ZNF599: variants seen among roughly 807,000 people sequenced by gnomAD.
ZNF599 encodes the protein zinc finger protein 599.
A neutral mutation model predicts 11.7 loss-of-function variants in ZNF599; 10 were observed. The ratio of observed to expected loss-of-function variants is 0.86; its 90% CI spans 0.53 to 1.45. ZNF599 has a LOEUF of 1.45. ZNF599 is among the 40% of genes most tolerant of loss of function. The pLI is 0.00. For missense variants in ZNF599, 688 were observed against 713.6 expected, an observed-to-expected ratio of 0.96 and a Z score of 0.41; for synonymous variants, 232 against 253.2, an observed-to-expected ratio of 0.92 and a Z score of 0.79.
the ZNF599 span, among the ~76,000 whole-genome samples, chr19:34,800,582 C>G: frequency 1.4e-5 from 1 of 73,836 alleles, no homozygotes; most frequent in African/African-American, 4.9e-5. Flanking sequence ...CTAGCATTTC[C>G]TTTGTTTTTT....
At chr19:34,804,394 G>T in the ZNF599 span, among the ~76,000 whole-genome samples, 1 of 152,190 alleles carries the variant, frequency 6.6e-6, no homozygotes, top group Non-Finnish European at 1.5e-5. Context: ...CTTCAGCTGT[G>T]CCTGTGATGC....
chr19:34,795,575 T>C, the ZNF599 span, among the ~76,000 whole-genome samples: 1 of 152,190 alleles, frequency 6.6e-6, no homozygotes, highest in Non-Finnish European at 1.5e-5. Flanking sequence ...CCACTGTGCT[T>C]GGCCTTGGCA....
chr19:34,777,477 T>C (rs1190314252), upstream of ZNF599, among the ~76,000 whole-genome samples: 2 of 103,368 alleles, frequency 1.9e-5, no homozygotes, highest in Non-Finnish European at 3.6e-5. Flanking sequence ...ATATATTAAT[T>C]AATATATAAT....
At chr19:34,775,612 CT>C (rs560189171), upstream of ZNF599, among the ~76,000 whole-genome samples, 6 of 152,226 alleles carry the variant, frequency 3.9e-5, no homozygotes, top group South Asian at 1.2e-3. Flanking sequence ...GTTAAAACCA[CT>C]GAATTATGTA....
chr19:34,772,622 C>T, intron 1 of ZNF599: 1 of 1,373,858 alleles, frequency 7.3e-7, no homozygotes, highest in African/African-American at 1.5e-5. Flanking sequence ...AGGGACCTCT[C>T]CTTACAACTC....
the ZNF599 span, among the ~76,000 whole-genome samples, chr19:34,801,501 C>A: frequency 1.3e-3 from 202 of 152,372 alleles, 1 homozygote; most frequent in Non-Finnish European, 2.4e-3. Context: ...TAAGCCCTTT[C>A]CCCAATTTGG....
the ZNF599 span, among the ~76,000 whole-genome samples, chr19:34,802,244 A>C: frequency 6.6e-6 from 1 of 152,208 alleles, no homozygotes; most frequent in South Asian, 2.1e-4. Context: ...CAGACTGAGG[A>C]AGCAGCTGTT....
At chr19:34,783,236 G>A in the ZNF599 span, among the ~76,000 whole-genome samples, 3 of 152,224 alleles carry the variant, frequency 2.0e-5, no homozygotes, top group Non-Finnish European at 2.9e-5. Context: ...GAGGGGCCAT[G>A]CCACGCCATG....
chr19:34,769,608 A>T (rs1236363684), intron 1 of ZNF599, 53 bp from the exon 2 acceptor site: 1 of 1,586,684 alleles, frequency 6.3e-7, no homozygotes, highest in African/African-American at 1.3e-5. Context: ...AGGTGAAATT[A>T]CAGCTCACTT....
At position 34,758,575 on chromosome 19, in the gene ZNF599, T is replaced by G. The variant is rs541426114; in HGVS notation, c.*459A>C. The G allele has an allele frequency of 6.4e-6, 1 of 156,204 alleles. No individual in the cohort carries two copies. Among genetic ancestry groups the G allele is most frequent in the African/African-American group, 2.4e-5 (1 of 41,556 alleles). 9.7% of individuals were successfully genotyped at this position (156,204 alleles called of 1,614,324 possible). A position where few individuals can be genotyped will look rare whatever the true frequency, so the allele number is the denominator to read the frequency against. On this transcript the variant is annotated 3_prime_UTR_variant, in exon 4 of 4. Coordinates refer to ENST00000329285, the MANE Select transcript of ZNF599 (RefSeq NM_001007248.3). Reference sequence around the variant, plus strand: ...TTTCAATGTCTTATTCCCTGCTCCATCCCCCAACCCGCCAAATGACAAACT... The same window carrying G: ...TTTCAATGTCTTATTCCCTGCTCCAGCCCCCAACCCGCCAAATGACAAACT...
upstream of ZNF599, among the ~76,000 whole-genome samples, chr19:34,773,562 C>A (rs576058724): frequency 3.9e-5 from 6 of 152,066 alleles, no homozygotes; most frequent in East Asian, 1.2e-3. Flanking sequence ...GATGGAGATT[C>A]CTAAGGAAAA....
the ZNF599 span, among the ~76,000 whole-genome samples, chr19:34,806,103 C>G: frequency 2.0e-5 from 3 of 152,230 alleles, no homozygotes; most frequent in South Asian, 6.2e-4. Context: ...TGAGGGCTCA[C>G]TCACCTGTGT....
At chr19:34,804,110 A>C in the ZNF599 span, among the ~76,000 whole-genome samples, 1 of 152,182 alleles carries the variant, frequency 6.6e-6, no homozygotes, top group African/African-American at 2.4e-5. Flanking sequence ...AGTCAATCTC[A>C]GCCATCCAGA....
chr19:34,773,344 A>T (rs1389935193), upstream of ZNF599: 1 of 151,340 alleles, frequency 6.6e-6, no homozygotes, highest in African/African-American at 2.5e-5. Context: ...TGGTACCTGG[A>T]GCGCACTTTC....
chr19:34,787,125 G>A, the ZNF599 span, among the ~76,000 whole-genome samples: 326 of 152,206 alleles, frequency 2.1e-3, 2 homozygotes, highest in Non-Finnish European at 3.7e-3. Flanking sequence ...AATAAAATAG[G>A]TAAAATAACA....
At chr19:34,785,310 T>C in the ZNF599 span, among the ~76,000 whole-genome samples, 3 of 152,168 alleles carry the variant, frequency 2.0e-5, 1 homozygote, top group South Asian at 6.2e-4. Flanking sequence ...GAACACCACT[T>C]ACCTGGACTA....
the ZNF599 span, among the ~76,000 whole-genome samples, chr19:34,780,383 C>T: frequency 6.6e-6 from 1 of 152,072 alleles, no homozygotes; most frequent in Non-Finnish European, 1.5e-5. Context: ...GTAGTGTGCA[C>T]CTATAGTCCC....
chr19:34,786,102 A>G, the ZNF599 span, among the ~76,000 whole-genome samples: 29 of 152,140 alleles, frequency 1.9e-4, no homozygotes, highest in African/African-American at 6.5e-4. Context: ...TTCCCTGCTC[A>G]GTGCTGACAA....
At chr19:34,764,321 C>T (rs1303958805) in intron 3 of ZNF599, 12 of 152,252 alleles carry the variant, frequency 7.9e-5, no homozygotes, top group East Asian at 1.9e-4. Flanking sequence ...GACTCTCATA[C>T]GTGGCTAGTG....
Sources: allele counts gnomAD v4.1 joint callset (sites outside exome capture counted in the v4.1 genomes callset), GRCh38; gene constraint gnomAD v4.1.1; transcripts MANE v1.5; gene names NCBI Gene and HGNC (gene_info 2026-07-23, HGNC 2026-07-21).